BNC2: variants seen among roughly 807,000 people sequenced by gnomAD.
BNC2 encodes the protein basonuclin zinc finger protein 2.
A neutral mutation model predicts 76.3 loss-of-function variants in BNC2; 20 were observed. That is an observed-to-expected ratio of 0.26 (90% CI 0.18 to 0.38). The LOEUF (loss-of-function observed/expected upper bound fraction) is 0.38. BNC2 is among the 10% of genes least tolerant of loss of function. BNC2 has a pLI of 1.00. For synonymous variants in BNC2, 582 were observed against 514.8 expected (o/e 1.13, Z -1.77); for missense variants, 1,382 against 1,399.8 (o/e 0.99, Z 0.20).
chr9:16,582,938 C>CACACTAAA, intron 4 of BNC2, 45 bp downstream of exon 4: 1 of 1,294,424 alleles, frequency 7.7e-7, no homozygotes, highest in Non-Finnish European at 1.1e-6. Flanking sequence ...CACACACGAA[C>CACACTAAA]ATGAACATAA....
intron 1 of BNC2, among the ~76,000 whole-genome samples, chr9:16,865,585 G>C (rs1028670207): frequency 1.3e-5 from 2 of 152,046 alleles, no homozygotes; most frequent in Non-Finnish European, 2.9e-5. Flanking sequence ...CTCAAGGGAA[G>C]GTTGTATTCC....
At chr9:16,713,304 T>G (rs369093018) in intron 3 of BNC2, among the ~76,000 whole-genome samples, 16 of 152,138 alleles carry the variant, frequency 1.1e-4, no homozygotes, top group African/African-American at 3.9e-4. Context: ...CTACTTTTAT[T>G]TGGAGGTAGT....
chr9:16,575,288 G>A (rs1484704643), intron 4 of BNC2: 2 of 985,282 alleles, frequency 2.0e-6, no homozygotes, highest in Non-Finnish European at 2.4e-6. Flanking sequence ...GCGGGATACA[G>A]CTCTGTGTGT....
At chr9:16,757,383 G>A (rs1825415865) in intron 1 of BNC2, among the ~76,000 whole-genome samples, 1 of 152,118 alleles carries the variant, frequency 6.6e-6, no homozygotes, top group South Asian at 2.1e-4. Context: ...ACTACTTTCT[G>A]GCTACCATCA....
chr9:16,575,320 C>A (rs184757611), intron 4 of BNC2: 1 of 985,394 alleles, frequency 1.0e-6, no homozygotes, highest in Non-Finnish European at 1.2e-6. Flanking sequence ...CACCCTCCCA[C>A]GAAACTCCTT....
intron 5 of BNC2, among the ~76,000 whole-genome samples, chr9:16,479,782 A>G (rs1193609426): frequency 6.6e-6 from 1 of 152,122 alleles, no homozygotes; most frequent in Non-Finnish European, 1.5e-5. Flanking sequence ...TTCTTTCTTT[A>G]TGCACGTTGG....
chr9:16,555,098 C>G (rs895157093), intron 4 of BNC2, among the ~76,000 whole-genome samples: 2 of 152,004 alleles, frequency 1.3e-5, no homozygotes, highest in African/African-American at 4.8e-5. Context: ...CGGCTCACTG[C>G]AAGCTCCGCC....
At chr9:16,736,079 C>T (rs10962557) in intron 2 of BNC2, among the ~76,000 whole-genome samples, 70,243 of 151,154 alleles carry the variant, frequency 0.46, 20,196 homozygotes, top group East Asian at 0.89. Context: ...ACTAAAAATA[C>T]AAAACTTAGC....
intron 1 of BNC2, among the ~76,000 whole-genome samples, chr9:16,835,571 CAT>C: frequency 6.6e-6 from 1 of 152,066 alleles, no homozygotes; most frequent in East Asian, 1.9e-4. Flanking sequence ...CATGGTGGCA[CAT>C]GCCTTTAGTC....
rs938278127 is a variant in BNC2 at position 16,416,554 on chromosome 9, T to C, written c.*2435A>G. ...AATTAAGACTTTGGGGAATTCAAAG[T>C]ACAAGAAAACAAAAACGATTATTAC... On this transcript the variant is annotated 3_prime_UTR_variant, in exon 7 of 7. Coordinates refer to ENST00000380672, the MANE Select transcript of BNC2 (RefSeq NM_017637.6). 6.6e-6 allele frequency: 1 copy of C among 152,590 alleles called. No homozygotes were observed. Among genetic ancestry groups the C allele is most frequent in the East Asian group, 1.9e-4 (1 of 5,198 alleles). The allele number at this position is 152,590 out of a possible 1,614,324, so 9.5% of individuals were successfully genotyped here.
intron 5 of BNC2, among the ~76,000 whole-genome samples, chr9:16,525,318 A>T (rs1817764865): frequency 6.6e-6 from 1 of 152,196 alleles, no homozygotes; most frequent in Non-Finnish European, 1.5e-5. Context: ...CAAGGTAAAG[A>T]GCTGAAAACC....
At chr9:16,762,499 T>G (rs1415515398) in intron 1 of BNC2, among the ~76,000 whole-genome samples, 6 of 152,100 alleles carry the variant, frequency 3.9e-5, no homozygotes, top group Non-Finnish European at 7.4e-5. Context: ...AAAGGGGAGA[T>G]CAGTATCCAG....
chr9:16,453,260 G>A lies in BNC2; in HGVS notation c.670-15736C>T, dbSNP rs188080112. 2.6e-3 allele frequency among the ~76,000 whole-genome samples: 398 copies of A among 152,228 alleles called. 1 individual carries two copies. Among genetic ancestry groups the A allele is most frequent in the Middle Eastern group, 3.4e-3 (1 of 294 alleles). On this transcript the variant is annotated intron_variant, in intron 5 of 6. Transcript: ENST00000380672. ...TTAAGAGATGGGAAAACTGAGGTGC[G>A]TCAAAGTTGTCTAATATCATGAAGT...
intron 3 of BNC2, among the ~76,000 whole-genome samples, chr9:16,588,037 A>G (rs1332431590): frequency 1.3e-5 from 2 of 152,186 alleles, no homozygotes; most frequent in African/African-American, 4.8e-5. Flanking sequence ...TGGGCTTTCA[A>G]TGTATAGTGG....
chr9:16,713,443 C>A (rs1476651739), intron 3 of BNC2, among the ~76,000 whole-genome samples: 1 of 95,848 alleles, frequency 1.0e-5, no homozygotes, highest in African/African-American at 3.8e-5. Flanking sequence ...TAGGAAAAGG[C>A]ACTTTTTTTT....
At chr9:16,840,177 T>G (rs906291488) in intron 1 of BNC2, among the ~76,000 whole-genome samples, 12 of 152,266 alleles carry the variant, frequency 7.9e-5, no homozygotes, top group African/African-American at 2.6e-4. Flanking sequence ...CCAGACCTTG[T>G]GCCTTCTGGT....
chr9:16,550,566 T>C (rs562167487), intron 5 of BNC2, among the ~76,000 whole-genome samples: 154 of 152,328 alleles, frequency 1.0e-3, no homozygotes, highest in Non-Finnish European at 2.6e-4. Context: ...TTTACTCCTA[T>C]CAAAGTGCTA....
chr9:16,632,521 G>A (rs925970434), intron 3 of BNC2, among the ~76,000 whole-genome samples: 7 of 152,018 alleles, frequency 4.6e-5, no homozygotes, highest in African/African-American at 1.7e-4. Flanking sequence ...TTAATTTAAG[G>A]GAACAATTTG....
Position 16,577,889 on chromosome 9 carries a change from T to A in BNC2, c.433+5094A>T, listed in dbSNP as rs533390032. ...CTTGTTGGAATGGTATATCCTTTCA[T>A]TTAAAGTCAAAGAAAAAAAAAGAAA... On this transcript the variant is annotated intron_variant, in intron 4 of 6. Coordinates refer to ENST00000380672, the MANE Select transcript of BNC2 (RefSeq NM_017637.6). Among the ~76,000 whole-genome samples the A allele has an allele frequency of 1.4e-3, 219 of 152,246 alleles. 1 individual carries two copies. Among genetic ancestry groups the A allele is most frequent in the African/African-American group, 4.9e-3 (205 of 41,566 alleles).
Sources: gnomAD v4.1 joint callset for allele counts (sites outside exome capture counted in the v4.1 genomes callset) on GRCh38, gnomAD v4.1.1 for gene constraint, MANE v1.5 for transcripts, NCBI Gene and HGNC (gene_info 2026-07-23, HGNC 2026-07-21) for gene names.